The following FUT9 variants were observed in gnomAD, a reference collection of about 807,000 sequenced individuals.
The protein encoded by FUT9 is fucosyltransferase 9.
In FUT9, 15 loss-of-function variants were observed where a neutral mutation model predicts 29.7. The observed-to-expected ratio is 0.51, with a 90% CI of 0.34 to 0.78. The LOEUF (loss-of-function observed/expected upper bound fraction) is 0.78, where lower values mean the gene tolerates loss of function less well. Among genes scored for constraint, FUT9 ranks in the 30% least tolerant of loss-of-function variants. The pLI, the probability that FUT9 is intolerant of heterozygous loss-of-function variation, is 0.01. For missense variants in FUT9, 319 were observed against 425.4 expected (o/e 0.75, Z 2.20); for synonymous variants, 169 against 153.7 (o/e 1.10, Z -0.74).
chr6:96,019,018 G>T (rs72924129), intron 1 of FUT9, among the ~76,000 whole-genome samples: 52,169 of 151,598 alleles, frequency 0.34, 9,666 homozygotes, highest in Non-Finnish European at 0.43. Flanking sequence ...TTTCCCACTT[G>T]AATTTTAGGA....
intron 2 of FUT9, among the ~76,000 whole-genome samples, chr6:96,183,608 G>A (rs1011237791): frequency 3.3e-5 from 5 of 151,856 alleles, no homozygotes; most frequent in African/African-American, 1.2e-4. Context: ...TTACATTGTG[G>A]TATGTCCCCT....
At chr6:96,182,985 G>A (rs1311580115) in intron 2 of FUT9, among the ~76,000 whole-genome samples, 2 of 151,866 alleles carry the variant, frequency 1.3e-5, no homozygotes, top group Admixed American at 6.6e-5. Flanking sequence ...GAATAATGGT[G>A]GCATTTTAAT....
chr6:96,115,098 C>G (rs1306048496), intron 2 of FUT9, among the ~76,000 whole-genome samples: 1 of 152,158 alleles, frequency 6.6e-6, no homozygotes, highest in Non-Finnish European at 1.5e-5. Context: ...TGTTTCAGAA[C>G]TCTGAATGCA....
intron 1 of FUT9, among the ~76,000 whole-genome samples, chr6:96,087,718 G>A (rs543175400): frequency 4.6e-5 from 7 of 152,208 alleles, no homozygotes; most frequent in South Asian, 2.1e-4. Flanking sequence ...AATATGTTAC[G>A]TAGAAGTTGT....
chr6:96,065,653 A>G (rs540810537), intron 1 of FUT9, among the ~76,000 whole-genome samples: 1 of 152,194 alleles, frequency 6.6e-6, no homozygotes, highest in Non-Finnish European at 1.5e-5. Context: ...TTTGTTTTTC[A>G]TAACATTTCC....
At chr6:96,156,828 T>C (rs1772794639) in intron 2 of FUT9, among the ~76,000 whole-genome samples, 1 of 152,338 alleles carries the variant, frequency 6.6e-6, no homozygotes, top group South Asian at 2.1e-4. Flanking sequence ...AATCCAGTTC[T>C]TACAAGGTAT....
At chr6:96,114,796 G>A (rs891822038) in intron 2 of FUT9, among the ~76,000 whole-genome samples, 2 of 152,112 alleles carry the variant, frequency 1.3e-5, no homozygotes, top group Admixed American at 6.5e-5. Context: ...AAAGCAATAA[G>A]TGTTACTCAT....
chr6:96,146,682 T>C (rs371361389), intron 2 of FUT9, among the ~76,000 whole-genome samples: 25 of 152,254 alleles, frequency 1.6e-4, no homozygotes, highest in African/African-American at 6.0e-4. Context: ...TTCTAGTTTA[T>C]GTACCTTCTC....
chr6:96,189,136 T>C (rs1394680976), intron 2 of FUT9, among the ~76,000 whole-genome samples: 2 of 152,008 alleles, frequency 1.3e-5, no homozygotes, highest in Non-Finnish European at 2.9e-5. Flanking sequence ...TGTCAGGAAC[T>C]TTTCACAAGC....
At chr6:96,031,742 T>A (rs182003679) in intron 1 of FUT9, among the ~76,000 whole-genome samples, 18 of 151,682 alleles carry the variant, frequency 1.2e-4, no homozygotes, top group African/African-American at 4.3e-4. Flanking sequence ...CTAAGGAAAT[T>A]GGCCCCAAAT....
At chr6:96,033,874 A>G (rs1158702144) in intron 1 of FUT9, among the ~76,000 whole-genome samples, 1 of 151,646 alleles carries the variant, frequency 6.6e-6, no homozygotes, top group Non-Finnish European at 1.5e-5. Flanking sequence ...ATATATGCTT[A>G]CATATAAATA....
chr6:96,094,418 T>A (rs971679562), intron 1 of FUT9, among the ~76,000 whole-genome samples: 15 of 152,078 alleles, frequency 9.9e-5, no homozygotes, highest in African/African-American at 3.4e-4. Context: ...AGAGAACACA[T>A]AAAGCACTTT....
chr6:96,166,471 T>G (rs1773018275), intron 2 of FUT9, among the ~76,000 whole-genome samples: 1 of 152,238 alleles, frequency 6.6e-6, no homozygotes, highest in East Asian at 1.9e-4. Flanking sequence ...AGTTTTTACT[T>G]TGAACAATCT....
chr6:96,023,648 T>A (rs1770111978), intron 1 of FUT9, among the ~76,000 whole-genome samples: 2 of 151,904 alleles, frequency 1.3e-5, no homozygotes, highest in African/African-American at 4.8e-5. Context: ...AAGAGTTTAA[T>A]CTGTGCAATG....
intron 1 of FUT9, among the ~76,000 whole-genome samples, chr6:96,028,094 T>C (rs1474901115): frequency 6.6e-6 from 1 of 151,618 alleles, no homozygotes; most frequent in Admixed American, 6.6e-5. Context: ...GCTTGGAGTA[T>C]GCCAGTGGCA....
At chr6:96,045,683 A>G (rs1317089778) in intron 1 of FUT9, among the ~76,000 whole-genome samples, 1 of 152,166 alleles carries the variant, frequency 6.6e-6, no homozygotes, top group Non-Finnish European at 1.5e-5. Flanking sequence ...GTTCCTGTAG[A>G]GAAAAGGGTG....
At chr6:96,171,569 C>T (rs922724033) in intron 2 of FUT9, among the ~76,000 whole-genome samples, 16 of 152,154 alleles carry the variant, frequency 1.1e-4, no homozygotes, top group African/African-American at 3.9e-4. Flanking sequence ...ACTTATGGCT[C>T]ACAAACATTT....
At chr6:96,160,997 T>G (rs1772890147) in intron 2 of FUT9, among the ~76,000 whole-genome samples, 1 of 152,172 alleles carries the variant, frequency 6.6e-6, no homozygotes, top group Admixed American at 6.5e-5. Flanking sequence ...ATCCATCTAC[T>G]TCTATAGGGT....
chr6:96,116,196 G>C (rs2127962739), intron 2 of FUT9, among the ~76,000 whole-genome samples: 1 of 152,198 alleles, frequency 6.6e-6, no homozygotes, highest in African/African-American at 2.4e-5. Flanking sequence ...GTTCACTAAG[G>C]AGATACAAAT....
Sources: gnomAD v4.1 joint callset for allele counts (sites outside exome capture counted in the v4.1 genomes callset) on GRCh38, gnomAD v4.1.1 for gene constraint, MANE v1.5 for transcripts, NCBI Gene and HGNC (gene_info 2026-07-23, HGNC 2026-07-21) for gene names.